PAPPA: variants seen among roughly 807,000 people sequenced by gnomAD.
PAPPA encodes the protein pappalysin 1.
PAPPA carries 60 observed loss-of-function variants against 164.0 expected under a neutral mutation model. The observed-to-expected ratio is 0.37, with a 90% CI of 0.30 to 0.45. The LOEUF is 0.45. Ranked by LOEUF, PAPPA falls within the 20% of genes least tolerant of loss-of-function variation. PAPPA has a pLI of 1.00. For missense variants in PAPPA, 1,782 were observed against 2,087.3 expected (o/e 0.85, Z 2.85); for synonymous variants, 875 against 814.1 (o/e 1.07, Z -1.27).
At chr9:116,316,409 A>T (rs1249737267) in intron 10 of PAPPA, 1 of 152,178 alleles carries the variant, frequency 6.6e-6, no homozygotes, top group African/African-American at 2.4e-5. Flanking sequence ...CACATTGTGG[A>T]TCCCAGATTC....
At chr9:116,185,624 A>C (rs1478297522) in intron 1 of PAPPA, among the ~76,000 whole-genome samples, 1 of 152,084 alleles carries the variant, frequency 6.6e-6, no homozygotes, top group African/African-American at 2.4e-5. Context: ...CTCATACATC[A>C]TCTGACACTT....
At chr9:116,302,026 A>G (rs947952651) in intron 9 of PAPPA, among the ~76,000 whole-genome samples, 1 of 152,186 alleles carries the variant, frequency 6.6e-6, no homozygotes, top group Non-Finnish European at 1.5e-5. Context: ...TGTGTCAAAT[A>G]ATGCACTCAG....
chr9:116,192,700 C>T (rs73525816), intron 2 of PAPPA, among the ~76,000 whole-genome samples: 4,611 of 152,298 alleles, frequency 0.03, 253 homozygotes, highest in African/African-American at 0.11. Context: ...AGAAAAAAGA[C>T]ATTCCAGGTG....
In PAPPA at chr9:116,271,581, G is replaced by A. The variant is rs535079006; in HGVS notation, c.2953+165G>A. Reference sequence around the variant, plus strand: ...CATGCCAGGCACTGTTTTCAATATCGGGAAATACAGCAGTGAAAAAACAAA... The same window carrying A: ...CATGCCAGGCACTGTTTTCAATATCAGGAAATACAGCAGTGAAAAAACAAA... On this transcript the variant is annotated intron_variant, in intron 9 of 21. Transcript: ENST00000328252. This position sits in a 1 kb window ranked among gnomAD's most constrained non-coding sequence, Gnocchi z 4.2. Among the ~76,000 whole-genome samples the A allele has an allele frequency of 1.3e-5, 2 of 152,174 alleles. No homozygotes were observed. Among genetic ancestry groups the A allele is most frequent in the Non-Finnish European group, 1.5e-5 (1 of 68,002 alleles).
chr9:116,200,618 A>G (rs1385857855), intron 2 of PAPPA, among the ~76,000 whole-genome samples: 2 of 152,232 alleles, frequency 1.3e-5, no homozygotes, highest in Non-Finnish European at 2.9e-5. Flanking sequence ...TATTAATGTT[A>G]TCATATTATG....
chr9:116,349,380 T>C (rs1279080569), intron 15 of PAPPA, among the ~76,000 whole-genome samples: 1 of 152,222 alleles, frequency 6.6e-6, no homozygotes, highest in Non-Finnish European at 1.5e-5. Context: ...AACAAATGGA[T>C]ACCGAGGACC....
intron 19 of PAPPA, 148 bp downstream of exon 19, chr9:116,367,902 AGG>A (rs767130827): frequency 3.0e-6 from 2 of 656,838 alleles, no homozygotes; most frequent in Non-Finnish European, 5.6e-6. Context: ...TGTGTGTTGC[AGG>A]GAGGTGGGGT....
At chr9:116,223,530 T>TGAGC (rs1844470080) in intron 5 of PAPPA, among the ~76,000 whole-genome samples, 2 of 152,206 alleles carry the variant, frequency 1.3e-5, no homozygotes, top group Non-Finnish European at 2.9e-5. Context: ...GAGGCTCATA[T>TGAGC]AGTAGCTATT....
At chr9:116,249,850 T>C (rs939646417) in intron 7 of PAPPA, among the ~76,000 whole-genome samples, 1 of 152,154 alleles carries the variant, frequency 6.6e-6, no homozygotes, top group Non-Finnish European at 1.5e-5. Context: ...AAAAGTGCCT[T>C]CCAGTTGCTG....
intron 14 of PAPPA, 34 bp downstream of exon 14, chr9:116,344,745 C>G (rs56187073): frequency 0.059 from 93,293 of 1,590,112 alleles, 3,142 homozygotes; most frequent in Admixed American, 0.14. Context: ...AGCCTCTCTG[C>G]AGCCCAGGGA....
chr9:116,385,945 AGT>A (rs1325667386), intron 21 of PAPPA, among the ~76,000 whole-genome samples: 1 of 152,244 alleles, frequency 6.6e-6, no homozygotes, highest in African/African-American at 2.4e-5. Context: ...ATGATGAGAA[AGT>A]GTGAGATTTT....
intron 9 of PAPPA, chr9:116,287,173 C>T (rs1295023014): frequency 6.6e-6 from 1 of 152,190 alleles, no homozygotes; most frequent in East Asian, 1.9e-4. Context: ...AAACACGGGG[C>T]TCTTCTAGAT....
intron 7 of PAPPA, among the ~76,000 whole-genome samples, chr9:116,256,003 T>C (rs927142913): frequency 2.0e-5 from 3 of 149,444 alleles, no homozygotes; most frequent in African/African-American, 7.4e-5. Flanking sequence ...AGCTGAAAAA[T>C]TAAGTGAAAA....
chr9:116,173,185 C>T (rs917296275), intron 1 of PAPPA, among the ~76,000 whole-genome samples: 1 of 152,176 alleles, frequency 6.6e-6, no homozygotes, highest in African/African-American at 2.4e-5. Flanking sequence ...CATCTAAACC[C>T]TATTTATCCA....
At chr9:116,167,008 A>C (rs1197653011) in intron 1 of PAPPA, among the ~76,000 whole-genome samples, 1 of 152,224 alleles carries the variant, frequency 6.6e-6, no homozygotes, top group Non-Finnish European at 1.5e-5. Context: ...ATCTGAATGA[A>C]CATTATAAGA....
intron 10 of PAPPA, among the ~76,000 whole-genome samples, chr9:116,330,488 A>G (rs1028722796): frequency 3.9e-5 from 6 of 152,198 alleles, no homozygotes; most frequent in African/African-American, 1.4e-4. Context: ...ACGAAGTGAC[A>G]TTTGAATATG....
intron 19 of PAPPA, among the ~76,000 whole-genome samples, chr9:116,371,001 ACAGTTTACC>A (rs1846565335): frequency 6.6e-6 from 1 of 152,202 alleles, no homozygotes; most frequent in South Asian, 2.1e-4. Context: ...TCTCTAGGCC[ACAGTTTACC>A]CAGTTGTGAA....
rs970133932 is a variant in PAPPA at position 116,267,217 on chromosome 9, T to C, written c.2861+1232T>C. ...ACACTAAGCTAGAGGGGAAGAACAA[T>C]TTAATTTGTTTCTGATGATTTTGTG... On this transcript the variant is annotated intron_variant, in intron 8 of 21. Coordinates refer to ENST00000328252, the MANE Select transcript of PAPPA (RefSeq NM_002581.5). Among the ~76,000 whole-genome samples, 66 of 152,152 alleles carry C rather than the reference T, an allele frequency of 4.3e-4. 1 individual carries two copies. The highest frequency in any genetic ancestry group is 7.5e-4 in the Non-Finnish European group (51 of 68,012).
intron 1 of PAPPA, among the ~76,000 whole-genome samples, chr9:116,173,153 T>G (rs992874020): frequency 1.3e-5 from 2 of 152,206 alleles, no homozygotes; most frequent in Non-Finnish European, 2.9e-5. Flanking sequence ...CAACAAAATT[T>G]AAATTATGAA....
Sources: gnomAD v4.1 joint callset for allele counts (sites outside exome capture counted in the v4.1 genomes callset) on GRCh38, gnomAD v4.1.1 for gene constraint, Gnocchi (gnomAD v3.1) non-coding constraint, MANE v1.5 for transcripts, NCBI Gene and HGNC (gene_info 2026-07-23, HGNC 2026-07-21) for gene names.